The following PARG variants were observed in gnomAD, a reference collection of about 807,000 sequenced individuals.
PARG encodes mitochondrial poly(ADP-ribose) glycohydrolase.
PARG carries 35 observed loss-of-function variants against 113.0 expected under a neutral mutation model. The observed-to-expected ratio is 0.31, with a 90% CI of 0.24 to 0.41. The LOEUF is 0.41. Among genes scored for constraint, PARG ranks in the 10% least tolerant of loss-of-function variants. PARG has a pLI of 1.00. For missense variants in PARG, 797 were observed against 1,169.4 expected, an observed-to-expected ratio of 0.68 and a Z score of 4.64; for synonymous variants, 330 against 409.9, an observed-to-expected ratio of 0.81 and a Z score of 2.36.
intron 7 of PARG, among the ~76,000 whole-genome samples, chr10:49,891,361 A>G (rs534540911): frequency 2.5e-4 from 38 of 151,640 alleles, no homozygotes; most frequent in Admixed American, 8.5e-4. Context: ...ATCAATCACA[A>G]ATCAATGAAT....
At chr10:49,924,751 C>G (rs1309984370) in intron 4 of PARG, among the ~76,000 whole-genome samples, 2 of 151,822 alleles carry the variant, frequency 1.3e-5, no homozygotes, top group African/African-American at 2.4e-5. Context: ...AAGATACCAA[C>G]ATGACAGATA....
At chr10:49,902,482 C>T (rs554236677) in intron 7 of PARG, among the ~76,000 whole-genome samples, 3 of 152,244 alleles carry the variant, frequency 2.0e-5, no homozygotes, top group East Asian at 3.9e-4. Flanking sequence ...GCCCCTGAAG[C>T]GTGAACTTAC....
At chr10:49,830,076 A>C (rs577277597) in intron 16 of PARG, among the ~76,000 whole-genome samples, 1 of 152,328 alleles carries the variant, frequency 6.6e-6, no homozygotes, top group Non-Finnish European at 1.5e-5. Context: ...TGAATTATAT[A>C]ATGGAAATCT....
intron 7 of PARG, among the ~76,000 whole-genome samples, chr10:49,891,432 TA>T (rs1564635729): frequency 6.6e-6 from 1 of 151,234 alleles, no homozygotes; most frequent in African/African-American, 2.4e-5. Context: ...TAGATACTAA[TA>T]AAATTGTGAA....
At chr10:49,923,234 A>G (rs1554849809) in intron 4 of PARG, among the ~76,000 whole-genome samples, 1 of 152,036 alleles carries the variant, frequency 6.6e-6, no homozygotes, top group East Asian at 1.9e-4. Flanking sequence ...CTCTATTGTC[A>G]CCTTCATAGC....
chr10:49,920,451 T>TAA lies in PARG; in HGVS notation c.1662+1883_1662+1884dup, dbSNP rs781928566. Among the ~76,000 whole-genome samples, 219 of 39,812 alleles carry TAA rather than the reference T, an allele frequency of 5.5e-3. 2 individuals carry two copies. The highest frequency in any genetic ancestry group is 0.014 in the African/African-American group (105 of 7,356). 26.1% of individuals were successfully genotyped at this position (39,812 alleles called of 152,430 possible). A position where few individuals can be genotyped will look rare whatever the true frequency, so the allele number is the denominator to read the frequency against. On this transcript the variant is annotated intron_variant, in intron 6 of 17. Coordinates refer to ENST00000616448, the MANE Select transcript of PARG (RefSeq NM_003631.5). ...GATGGAGCAAGACCCAGCCTCAAAT[T>TAA]AAAAAAAAAAAAATATATATATATA...
chr10:49,910,624 G>A (rs1484218512), intron 7 of PARG, among the ~76,000 whole-genome samples: 3 of 151,894 alleles, frequency 2.0e-5, no homozygotes, highest in Non-Finnish European at 4.4e-5. Flanking sequence ...TTCAATTCCA[G>A]ACATAAAACT....
At chr10:49,837,382 T>C (rs1314650314) in intron 15 of PARG, among the ~76,000 whole-genome samples, 1 of 143,732 alleles carries the variant, frequency 7.0e-6, no homozygotes, top group African/African-American at 2.6e-5. Flanking sequence ...CTCCTTTCTC[T>C]CTGGCATGCA....
In PARG at chr10:49,927,953, GA is replaced by G. The variant is rs1554851092; in HGVS notation, c.1455+4146del. The stretch of plus-strand genomic sequence containing the variant: ...CAATCCAGCCTGGGTGACGGAGTGA[GA>G]TCCTGTCTCTTTAAAAAAAAAAAAA... On this transcript the variant is annotated intron_variant, in intron 4 of 17. Coordinates refer to ENST00000616448, the MANE Select transcript of PARG (RefSeq NM_003631.5). Among the ~76,000 whole-genome samples the G allele has an allele frequency of 1.7e-4, 25 of 148,656 alleles. No homozygotes were observed. In the South Asian group the frequency reaches 4.3e-3, roughly 26 times the overall value.
intron 13 of PARG, among the ~76,000 whole-genome samples, chr10:49,849,594 C>A (rs566731562): frequency 2.2e-4 from 33 of 152,138 alleles, no homozygotes; most frequent in Non-Finnish European, 4.4e-4. Flanking sequence ...GTCATACGTC[C>A]AAACTTACAT....
At chr10:49,830,539 C>T (rs1844606758) in intron 16 of PARG, among the ~76,000 whole-genome samples, 1 of 152,148 alleles carries the variant, frequency 6.6e-6, no homozygotes, top group African/African-American at 2.4e-5. Context: ...ATGTTTATAA[C>T]ATGTAACAGT....
intron 7 of PARG, among the ~76,000 whole-genome samples, chr10:49,901,722 A>G (rs1848356551): frequency 6.6e-6 from 1 of 151,996 alleles, no homozygotes; most frequent in South Asian, 2.1e-4. Flanking sequence ...GATCTTTATT[A>G]AAAATGGACA....
At chr10:49,934,700 T>A (rs1838661182) in intron 2 of PARG, among the ~76,000 whole-genome samples, 2 of 151,948 alleles carry the variant, frequency 1.3e-5, no homozygotes. Context: ...ATACAAAAAA[T>A]TAGCCAGGCG....
intron 8 of PARG, among the ~76,000 whole-genome samples, chr10:49,882,129 G>C (rs1193642212): frequency 6.6e-6 from 1 of 151,276 alleles, no homozygotes; most frequent in Non-Finnish European, 1.5e-5. Flanking sequence ...ATTTTAAATA[G>C]AGTTAATGAT....
chr10:49,884,435 C>T (rs1309603992), intron 8 of PARG, among the ~76,000 whole-genome samples: 5 of 152,198 alleles, frequency 3.3e-5, no homozygotes, highest in Non-Finnish European at 5.9e-5. Flanking sequence ...CTCGTCTCTA[C>T]TAAAAGTACA....
Position 49,934,106 on chromosome 10 carries a change from T to C in PARG, c.342A>G (p.Gln114=). 3 of 1,297,758 alleles carry C rather than the reference T, an allele frequency of 2.3e-6. No homozygotes were observed. In the South Asian group the frequency reaches 3.5e-5, roughly 15 times the overall value. 80.4% of individuals were successfully genotyped at this position (1,297,758 alleles called of 1,614,324 possible). A position where few individuals can be genotyped will look rare whatever the true frequency, so the allele number is the denominator to read the frequency against. ...TRIESMMSSV[Q]KDNFYQHNVE... Reference sequence around the variant, plus strand: ...CATTATGTTGGTAAAAGTTATCTTTTTGTACAGAACTCATCATGGATTCTA... The same window carrying C: ...CATTATGTTGGTAAAAGTTATCTTTCTGTACAGAACTCATCATGGATTCTA... Residue 114 remains glutamine, a synonymous_variant, in exon 3 of 18, where the codon CAA becomes CAG. Coordinates refer to ENST00000616448, the MANE Select transcript of PARG (RefSeq NM_003631.5).
At chr10:49,922,261 C>A in intron 6 of PARG, 75 bp downstream of exon 6, 1 of 1,476,584 alleles carries the variant, frequency 6.8e-7, no homozygotes, top group Non-Finnish European at 9.2e-7. Flanking sequence ...CTACCTGAGT[C>A]TATTAAGACC....
intron 7 of PARG, among the ~76,000 whole-genome samples, chr10:49,906,969 CA>C (rs1554845147): frequency 6.6e-6 from 1 of 151,810 alleles, no homozygotes; most frequent in Non-Finnish European, 1.5e-5. Context: ...AGAGGCTATG[CA>C]TATGGTTACT....
At chr10:49,831,784 G>T (rs1278014518) in intron 16 of PARG, among the ~76,000 whole-genome samples, 1 of 152,144 alleles carries the variant, frequency 6.6e-6, no homozygotes. Context: ...AACTGCAGTG[G>T]TAAGGACAGG....
Sources: gnomAD v4.1 joint callset for allele counts (sites outside exome capture counted in the v4.1 genomes callset) on GRCh38, gnomAD v4.1.1 for gene constraint, MANE v1.5 for transcripts, NCBI Gene and HGNC (gene_info 2026-07-23, HGNC 2026-07-21) for gene names.